Variants in CNTN5 observed in about 807,000 individuals in gnomAD.
CNTN5 encodes the protein contactin 5, also known as contactin-5.
In CNTN5, 77 loss-of-function variants were observed where a neutral mutation model predicts 129.1. That is an observed-to-expected ratio of 0.60 (90% CI 0.50 to 0.72). CNTN5 has a LOEUF of 0.72. CNTN5 is among the 30% of genes least tolerant of loss of function. The pLI is 0.00. For missense variants in CNTN5, 1,478 were observed against 1,328.8 expected (o/e 1.11, Z -1.75); for synonymous variants, 509 against 465.6 (o/e 1.09, Z -1.20).
intron 1 of CNTN5, among the ~76,000 whole-genome samples, chr11:99,233,977 T>G (rs1861139317): frequency 6.7e-6 from 1 of 150,256 alleles, no homozygotes; most frequent in Admixed American, 6.6e-5. Flanking sequence ...AATAATAATT[T>G]GTTTTAACAT....
intron 10 of CNTN5, among the ~76,000 whole-genome samples, chr11:100,062,166 A>G (rs774683006): frequency 5.6e-4 from 85 of 152,184 alleles, no homozygotes; most frequent in Non-Finnish European, 1.2e-4. Flanking sequence ...TTTCTAGGTG[A>G]GGACACTAAA....
chr11:99,112,245 A>T lies in CNTN5; in HGVS notation c.-210+90975A>T, dbSNP rs571776964. The stretch of plus-strand genomic sequence containing the variant: ...AATTAACTTATTTCGATAAAAATGT[A>T]ATAAACGTCTATTATACACACAGGG... On this transcript the variant is annotated intron_variant, in intron 1 of 24. Coordinates refer to ENST00000524871, the MANE Select transcript of CNTN5 (RefSeq NM_014361.4). 3.3e-5 allele frequency among the ~76,000 whole-genome samples: 5 copies of T among 152,158 alleles called. No individual in the cohort carries two copies. The East Asian group carries it at 9.7e-4, about 29-fold the overall frequency.
chr11:99,921,049 A>G (rs1402834303), intron 7 of CNTN5, among the ~76,000 whole-genome samples: 1 of 152,206 alleles, frequency 6.6e-6, no homozygotes, highest in Non-Finnish European at 1.5e-5. Context: ...CAAACCAGAA[A>G]GAAAGCCCTC....
At chr11:99,352,502 C>A (rs1346870771) in intron 2 of CNTN5, among the ~76,000 whole-genome samples, 2 of 152,012 alleles carry the variant, frequency 1.3e-5, no homozygotes, top group Admixed American at 6.6e-5. Context: ...GTCAAACATA[C>A]CAAAATTTTC....
intron 13 of CNTN5, among the ~76,000 whole-genome samples, chr11:100,157,253 G>A (rs1183448866): frequency 3.3e-5 from 5 of 151,846 alleles, no homozygotes; most frequent in Admixed American, 2.0e-4. Flanking sequence ...TGCACATACT[G>A]AAAGAGGAAA....
chr11:99,795,405 A>G (rs1267594393), intron 3 of CNTN5, among the ~76,000 whole-genome samples: 1 of 151,816 alleles, frequency 6.6e-6, no homozygotes, highest in Non-Finnish European at 1.5e-5. Flanking sequence ...CCATATTCTG[A>G]ATTGTTTTTC....
At chr11:99,643,942 T>C (rs1951858985) in intron 3 of CNTN5, among the ~76,000 whole-genome samples, 1 of 152,188 alleles carries the variant, frequency 6.6e-6, no homozygotes, top group Non-Finnish European at 1.5e-5. Flanking sequence ...TATAAACAAT[T>C]TTTTCAGTAT....
chr11:99,450,628 CTA>C (rs1342857628), intron 2 of CNTN5, among the ~76,000 whole-genome samples: 2 of 152,184 alleles, frequency 1.3e-5, no homozygotes, highest in African/African-American at 4.8e-5. Flanking sequence ...CCCTGCCTAA[CTA>C]AACCCAGTCC....
chr11:99,906,740 A>G (rs1287543272), intron 6 of CNTN5, among the ~76,000 whole-genome samples: 1 of 151,944 alleles, frequency 6.6e-6, no homozygotes, highest in Non-Finnish European at 1.5e-5. Flanking sequence ...TCTTTGTACC[A>G]CTGGTAGAAT....
intron 16 of CNTN5, among the ~76,000 whole-genome samples, chr11:100,244,331 G>A (rs984424009): frequency 1.3e-5 from 2 of 152,000 alleles, no homozygotes; most frequent in Non-Finnish European, 2.9e-5. Context: ...TGTTTTCTTG[G>A]AATCCTCACT....
At chr11:99,386,795 G>A (rs1175654286) in intron 2 of CNTN5, among the ~76,000 whole-genome samples, 2 of 152,080 alleles carry the variant, frequency 1.3e-5, no homozygotes, top group African/African-American at 4.8e-5. Context: ...AAAAATCTCA[G>A]CACTTAGGAG....
chr11:99,247,967 G>A (rs191717611), intron 1 of CNTN5, among the ~76,000 whole-genome samples: 5,683 of 152,210 alleles, frequency 0.037, 363 homozygotes, highest in African/African-American at 0.13. Flanking sequence ...AATCCTTTGG[G>A]TATATACCCA....
At chr11:99,222,640 AAC>A (rs1346678679) in intron 1 of CNTN5, among the ~76,000 whole-genome samples, 2 of 152,156 alleles carry the variant, frequency 1.3e-5, no homozygotes, top group African/African-American at 4.8e-5. Context: ...TTCAAAGTGA[AAC>A]ATGTCAGTAC....
intron 4 of CNTN5, among the ~76,000 whole-genome samples, chr11:99,823,176 G>A (rs1476989163): frequency 6.6e-6 from 1 of 152,210 alleles, no homozygotes; most frequent in Non-Finnish European, 1.5e-5. Flanking sequence ...CCTGACCCAC[G>A]AAGGCTGTGA....
intron 9 of CNTN5, among the ~76,000 whole-genome samples, chr11:100,056,628 A>G (rs1232534023): frequency 1.3e-5 from 2 of 151,750 alleles, no homozygotes; most frequent in Non-Finnish European, 3.0e-5. Flanking sequence ...ACAAAATAAA[A>G]CTTATATAAG....
chr11:100,195,876 C>G (rs1222531004), intron 15 of CNTN5, among the ~76,000 whole-genome samples: 1 of 151,896 alleles, frequency 6.6e-6, no homozygotes, highest in African/African-American at 2.4e-5. Context: ...TTCTGCCCTT[C>G]TCATGTAAAT....
chr11:99,849,215 T>A lies in CNTN5; in HGVS notation c.577+3953T>A, dbSNP rs185146827. Among the ~76,000 whole-genome samples, 208 of 150,490 alleles carry A rather than the reference T, an allele frequency of 1.4e-3. 1 individual carries two copies. The highest frequency in any genetic ancestry group is 5.8e-3 in the East Asian group (30 of 5,166). On this transcript the variant is annotated intron_variant, in intron 6 of 24. Transcript: ENST00000524871. ...TACATATTTATTGTGATAAGATAAA[T>A]ATTAAATATAATAAAATGTAAAGAT...
intron 3 of CNTN5, among the ~76,000 whole-genome samples, chr11:99,811,122 C>T (rs1946416583): frequency 6.6e-6 from 1 of 152,062 alleles, no homozygotes; most frequent in Non-Finnish European, 1.5e-5. Context: ...GTGTTGCTCA[C>T]TCTTCTGTAC....
At chr11:99,655,965 T>TAC (rs757329926) in intron 3 of CNTN5, among the ~76,000 whole-genome samples, 3 of 152,076 alleles carry the variant, frequency 2.0e-5, no homozygotes, top group Non-Finnish European at 4.4e-5. Context: ...CACATATATA[T>TAC]ACACATATAT....
Sources: allele counts gnomAD v4.1 joint callset (sites outside exome capture counted in the v4.1 genomes callset), GRCh38; gene constraint gnomAD v4.1.1; transcripts MANE v1.5; gene names NCBI Gene and HGNC (gene_info 2026-07-23, HGNC 2026-07-21).